Variants in COP1 observed in about 807,000 individuals in gnomAD.
COP1 encodes COP1 E3 ubiquitin ligase.
Under a neutral mutation model 101.3 loss-of-function variants are expected in COP1, and 24 were observed. That is an observed-to-expected ratio of 0.24 (90% CI 0.17 to 0.33). The LOEUF (loss-of-function observed/expected upper bound fraction) is 0.33, where lower values mean the gene tolerates loss of function less well. Among genes scored for constraint, COP1 ranks in the 10% least tolerant of loss-of-function variants. The pLI is 1.00. For synonymous variants in COP1, 347 were observed against 341.9 expected, an observed-to-expected ratio of 1.01 and a Z score of -0.17; for missense variants, 663 against 906.2, an observed-to-expected ratio of 0.73 and a Z score of 3.45.
At chr1:176,084,855 T>TG (rs1422248655) in intron 10 of COP1, among the ~76,000 whole-genome samples, 4 of 151,386 alleles carry the variant, frequency 2.6e-5, no homozygotes, top group Non-Finnish European at 5.9e-5. Flanking sequence ...CCAGACTTTT[T>TG]TTTTTCCCCC....
At chr1:176,191,311 T>C (rs1699096414) in intron 1 of COP1, among the ~76,000 whole-genome samples, 1 of 152,042 alleles carries the variant, frequency 6.6e-6, no homozygotes, top group South Asian at 2.1e-4. Flanking sequence ...ATTGTGATTA[T>C]GAAAATCAAA....
Position 175,986,970 on chromosome 1 carries a change from A to G in COP1, c.2106T>C (p.Ala702=), listed in dbSNP as rs780113380. ...CATCTGGTAGTGCCCTCCAGCACAC[A>G]GCACTAACAAATTCATTTGTATCAT... ...KEDDTNEFVS[A]VCWRALPDGE... The change falls in exon 18 of 20, where the codon GCT becomes GCC. Residue 702 remains alanine (A), a synonymous_variant. Transcript: ENST00000367669. 6.2e-7 allele frequency: 1 copy of G among 1,607,506 alleles called. No individual in the cohort carries two copies. The highest frequency in any genetic ancestry group is 8.5e-7 in the Non-Finnish European group (1 of 1,178,026).
At chr1:176,135,622 T>C (rs559521954) in intron 7 of COP1, among the ~76,000 whole-genome samples, 2 of 152,180 alleles carry the variant, frequency 1.3e-5, no homozygotes, top group African/African-American at 4.8e-5. Context: ...ACTTAGACTC[T>C]AATTTTTGAT....
At chr1:176,008,401 T>C (rs1663950664) in intron 15 of COP1, among the ~76,000 whole-genome samples, 1 of 152,226 alleles carries the variant, frequency 6.6e-6, no homozygotes, top group South Asian at 2.1e-4. Flanking sequence ...AATTTTCTCA[T>C]GAACCTCTCT....
intron 18 of COP1, among the ~76,000 whole-genome samples, chr1:175,969,490 A>C (rs749799856): frequency 3.3e-5 from 5 of 152,320 alleles, no homozygotes; most frequent in Non-Finnish European, 4.4e-5. Context: ...CACAGAGAAG[A>C]AGCTCAACAA....
chr1:176,100,255 G>A, intron 9 of COP1: 1 of 244,076 alleles, frequency 4.1e-6, no homozygotes, highest in South Asian at 3.7e-5. Context: ...CAGGTGTGGA[G>A]GCAGGCGCCG....
chr1:176,070,065 T>C (rs1676689052), intron 11 of COP1, among the ~76,000 whole-genome samples: 1 of 152,196 alleles, frequency 6.6e-6, no homozygotes, highest in African/African-American at 2.4e-5. Context: ...TTATGTCAAA[T>C]GTTAGATATC....
intron 18 of COP1, among the ~76,000 whole-genome samples, chr1:175,951,903 A>T (rs1484389179): frequency 1.3e-5 from 2 of 152,180 alleles, no homozygotes; most frequent in African/African-American, 4.8e-5. Flanking sequence ...AATGTTTCAA[A>T]TTTGTAAACT....
At chr1:176,161,253 C>CA (rs1481868014) in intron 5 of COP1, among the ~76,000 whole-genome samples, 3 of 151,926 alleles carry the variant, frequency 2.0e-5, no homozygotes, top group African/African-American at 7.3e-5. Context: ...TTCATCATTT[C>CA]AAAAGGGAGC....
intron 5 of COP1, among the ~76,000 whole-genome samples, chr1:176,158,475 T>C (rs1693805813): frequency 6.6e-6 from 1 of 151,884 alleles, no homozygotes; most frequent in African/African-American, 2.4e-5. Context: ...GGTAAATAAA[T>C]GGGTAATATA....
chr1:176,101,410 A>T (rs975382173), intron 9 of COP1, among the ~76,000 whole-genome samples: 11 of 152,168 alleles, frequency 7.2e-5, no homozygotes, highest in Non-Finnish European at 1.2e-4. Flanking sequence ...CTTTGGAAAA[A>T]AAAAGGCTTT....
At chr1:175,956,869 ATG>A (rs770631878) in intron 18 of COP1, among the ~76,000 whole-genome samples, 1 of 152,192 alleles carries the variant, frequency 6.6e-6, no homozygotes, top group Non-Finnish European at 1.5e-5. Context: ...TGACAGCTCT[ATG>A]TGTGTTATTG....
intron 9 of COP1, among the ~76,000 whole-genome samples, chr1:176,089,595 T>C (rs1051391482): frequency 3.9e-5 from 6 of 152,166 alleles, no homozygotes; most frequent in African/African-American, 1.4e-4. Context: ...TATACTACAG[T>C]GTATCCCTGC....
At chr1:176,143,413 A>T (rs1691054905) in intron 6 of COP1, among the ~76,000 whole-genome samples, 1 of 152,196 alleles carries the variant, frequency 6.6e-6, no homozygotes, top group South Asian at 2.1e-4. Context: ...CTTCTCCAGT[A>T]AGATCTTTAA....
intron 14 of COP1, among the ~76,000 whole-genome samples, chr1:176,028,521 T>C (rs1303224621): frequency 2.9e-5 from 4 of 139,444 alleles, no homozygotes; most frequent in Non-Finnish European, 6.1e-5. Context: ...GCTGAGATCA[T>C]GCCACCAAAA....
intron 11 of COP1, among the ~76,000 whole-genome samples, chr1:176,069,237 C>T (rs779542076): frequency 2.0e-5 from 3 of 151,928 alleles, no homozygotes; most frequent in East Asian, 1.9e-4. Context: ...TACAGTAATA[C>T]GTGGTTTTGG....
chr1:176,158,390 AATG>A (rs1463529973), intron 5 of COP1, among the ~76,000 whole-genome samples: 1 of 152,146 alleles, frequency 6.6e-6, no homozygotes, highest in Non-Finnish European at 1.5e-5. Context: ...AGAAATGGTA[AATG>A]ATGTCCTTGA....
At chr1:176,101,716 A>T (rs559889966) in intron 9 of COP1, among the ~76,000 whole-genome samples, 13 of 152,084 alleles carry the variant, frequency 8.5e-5, no homozygotes, top group African/African-American at 2.7e-4. Context: ...TTTTGTTTTG[A>T]TACATGTTTT....
intron 15 of COP1, among the ~76,000 whole-genome samples, chr1:175,992,467 G>A (rs911643590): frequency 6.6e-6 from 1 of 152,228 alleles, no homozygotes; most frequent in Non-Finnish European, 1.5e-5. Flanking sequence ...GGAAGCGCAA[G>A]GGGTCAGGGA....
Sources: allele counts gnomAD v4.1 joint callset (sites outside exome capture counted in the v4.1 genomes callset), GRCh38; gene constraint gnomAD v4.1.1; transcripts MANE v1.5; gene names NCBI Gene and HGNC (gene_info 2026-07-23, HGNC 2026-07-21).